The following SCAF8 variants were observed in gnomAD, a reference collection of about 807,000 sequenced individuals.
The protein encoded by SCAF8 is SR-related CTD associated factor 8.
SCAF8 carries 23 observed loss-of-function variants against 140.5 expected under a neutral mutation model. The observed-to-expected ratio is 0.16, with a 90% CI of 0.12 to 0.23. The LOEUF (loss-of-function observed/expected upper bound fraction) is 0.23. Among genes scored for constraint, SCAF8 ranks in the 10% least tolerant of loss-of-function variants. The pLI, the probability that SCAF8 is intolerant of heterozygous loss-of-function variation, is 1.00. For missense variants in SCAF8, 1,397 were observed against 1,555.7 expected, an observed-to-expected ratio of 0.90 and a Z score of 1.72; for synonymous variants, 575 against 528.9, an observed-to-expected ratio of 1.09 and a Z score of -1.20.
At chr6:154,780,788 T>A (rs994057315) in intron 3 of SCAF8, among the ~76,000 whole-genome samples, 2 of 152,164 alleles carry the variant, frequency 1.3e-5, no homozygotes, top group Non-Finnish European at 2.9e-5. Context: ...GGCATTTGGG[T>A]TGATTCCATG....
chr6:154,811,721 A>G (rs1433561741), intron 12 of SCAF8, among the ~76,000 whole-genome samples: 3 of 124,210 alleles, frequency 2.4e-5, no homozygotes, highest in Non-Finnish European at 3.2e-5. Flanking sequence ...CCAGTGTGTG[A>G]TGCTCCCCGC....
At chr6:154,813,303 T>C (rs901232732) in intron 12 of SCAF8, among the ~76,000 whole-genome samples, 2 of 152,144 alleles carry the variant, frequency 1.3e-5, no homozygotes, top group Non-Finnish European at 2.9e-5. Flanking sequence ...GGCGGGAGGA[T>C]TGCTTGAGGC....
At chr6:154,757,719 A>T (rs1779001604) in intron 1 of SCAF8, among the ~76,000 whole-genome samples, 1 of 152,174 alleles carries the variant, frequency 6.6e-6, no homozygotes, top group Admixed American at 6.5e-5. Flanking sequence ...AGATGGAAAG[A>T]TGGATAGATC....
chr6:154,768,582 C>G (rs913734022), intron 1 of SCAF8, among the ~76,000 whole-genome samples: 1 of 152,138 alleles, frequency 6.6e-6, no homozygotes, highest in Admixed American at 6.5e-5. Flanking sequence ...GTTTCTCTCT[C>G]CTGTGAATGG....
chr6:154,806,358 C>T (rs1195376318), intron 9 of SCAF8, among the ~76,000 whole-genome samples: 1 of 152,150 alleles, frequency 6.6e-6, no homozygotes, highest in East Asian at 1.9e-4. Flanking sequence ...AGGAAACCCC[C>T]TTTCCCTCCC....
chr6:154,755,776 A>ATATTCCCAT (rs1195345191), intron 1 of SCAF8, among the ~76,000 whole-genome samples: 2 of 152,206 alleles, frequency 1.3e-5, no homozygotes, highest in African/African-American at 2.4e-5. Flanking sequence ...TGTGCACTAT[A>ATATTCCCAT]TATTCCCATT....
intron 1 of SCAF8, among the ~76,000 whole-genome samples, chr6:154,768,059 T>C (rs756258075): frequency 2.0e-5 from 3 of 152,202 alleles, no homozygotes; most frequent in Non-Finnish European, 4.4e-5. Context: ...CAATACAAGA[T>C]AAAAAGGTAT....
intron 1 of SCAF8, among the ~76,000 whole-genome samples, chr6:154,768,452 G>A (rs1054931599): frequency 6.6e-6 from 1 of 152,150 alleles, no homozygotes; most frequent in African/African-American, 2.4e-5. Context: ...ACATCACATG[G>A]CATTTTAAGT....
At chr6:154,766,659 A>AC (rs1165228098) in intron 1 of SCAF8, among the ~76,000 whole-genome samples, 1,393 of 70,592 alleles carry the variant, frequency 0.02, 53 homozygotes, top group African/African-American at 0.038. Flanking sequence ...CTCCAGCAGC[A>AC]CCCCCCCCCC....
At chr6:154,763,975 A>T (rs1776485914) in intron 1 of SCAF8, among the ~76,000 whole-genome samples, 1 of 152,186 alleles carries the variant, frequency 6.6e-6, no homozygotes, top group Admixed American at 6.5e-5. Context: ...AGGTTTGCTG[A>T]TGCTGGACCT....
Position 154,824,234 on chromosome 6 carries a change from A to T in SCAF8, c.1927A>T (p.Ile643Phe). Reference protein sequence around the residue: ...VFPPPVAMLQIPVAPAVPTVS... With the variant: ...VFPPPVAMLQFPVAPAVPTVS... ...GAACTTTTTTGTCTATCCACAAAAG[A>T]TTCCAGTGGCGCCAGCCGTGCCTAC... Residue 643 changes from isoleucine (I) to phenylalanine (F), a missense_variant and splice_region_variant, in exon 17 of 20, where the codon ATT (isoleucine) becomes TTT (phenylalanine). Transcript: ENST00000367178. 6.2e-7 allele frequency: 1 copy of T among 1,613,574 alleles called. No individual in the cohort carries two copies. Among genetic ancestry groups the T allele is most frequent in the Non-Finnish European group, 8.5e-7 (1 of 1,179,750 alleles).
chr6:154,742,362 C>A (rs1487294481), intron 1 of SCAF8, among the ~76,000 whole-genome samples: 1 of 151,936 alleles, frequency 6.6e-6, no homozygotes, highest in Non-Finnish European at 1.5e-5. Flanking sequence ...ATAAAATACA[C>A]CTTTTGAAGA....
intron 1 of SCAF8, among the ~76,000 whole-genome samples, chr6:154,769,125 G>A (rs1031996991): frequency 5.3e-5 from 8 of 150,206 alleles, no homozygotes; most frequent in Admixed American, 2.0e-4. Flanking sequence ...AACCCATCTT[G>A]TTCAAGAATT....
intron 8 of SCAF8, 47 bp downstream of exon 8, chr6:154,803,670 A>G (rs1777834280): frequency 8.5e-7 from 1 of 1,172,626 alleles, no homozygotes; most frequent in Non-Finnish European, 1.3e-6. Flanking sequence ...ATTTAGTGGG[A>G]TGTTGCCATC....
chr6:154,823,366 C>G (rs1778476266), intron 16 of SCAF8, among the ~76,000 whole-genome samples: 1 of 152,100 alleles, frequency 6.6e-6, no homozygotes, highest in Non-Finnish European at 1.5e-5. Context: ...AGCAGGGAGA[C>G]CAGTTAAAAG....
rs1426798706 is a variant in SCAF8, at chr6:154,802,086, C to A, written c.722C>A (p.Thr241Lys). 2 of 1,612,426 alleles carry A rather than the reference C, an allele frequency of 1.2e-6. No homozygotes were observed. Among genetic ancestry groups the A allele is most frequent in the East Asian group, 4.5e-5 (2 of 44,798 alleles). The change falls in exon 7 of 20, where the codon ACA becomes AAA. Residue 241 changes from threonine to lysine, a missense_variant. Thr to Lys is a moderately conservative substitution (Grantham distance 78, BLOSUM62 -1). Transcript: ENST00000367178. ...TTGCAAGCTCTTACGGCACAACTTA[C>A]AGCTGCAGCTGCAGCTGCCAACACT... Reference protein sequence around the residue: ...VQLQALTAQLTAAAAAANTLT... With the variant: ...VQLQALTAQLKAAAAAANTLT...
intron 4 of SCAF8, among the ~76,000 whole-genome samples, chr6:154,788,325 G>T (rs1379412701): frequency 1.3e-5 from 2 of 152,168 alleles, no homozygotes; most frequent in Non-Finnish European, 2.9e-5. Flanking sequence ...GTGTGTAGTA[G>T]GCTATACCGT....
chr6:154,784,120 G>GAGATATAT (rs1362230678), intron 3 of SCAF8, among the ~76,000 whole-genome samples: 10 of 106,882 alleles, frequency 9.4e-5, no homozygotes, highest in African/African-American at 2.9e-4. Context: ...GGTGTCTTGA[G>GAGATATAT]ATATATATAT....
chr6:154,741,957 A>T, intron 1 of SCAF8: 2 of 1,531,662 alleles, frequency 1.3e-6, no homozygotes, highest in Non-Finnish European at 1.7e-6. Context: ...CTCTCTCAGG[A>T]TTGTGCCTCT....
Sources: gnomAD v4.1 joint callset for allele counts (sites outside exome capture counted in the v4.1 genomes callset) on GRCh38, gnomAD v4.1.1 for gene constraint, MANE v1.5 for transcripts, NCBI Gene and HGNC (gene_info 2026-07-23, HGNC 2026-07-21) for gene names.